The following LINGO2 variants were observed in gnomAD, a reference collection of about 807,000 sequenced individuals.
LINGO2 encodes the protein leucine rich repeat and Ig domain containing 2.
LINGO2 carries 14 observed loss-of-function variants against 30.6 expected under a neutral mutation model. The observed-to-expected ratio is 0.46, with a 90% confidence interval of 0.30 to 0.72. LINGO2 has a LOEUF of 0.72. Among genes scored for constraint, LINGO2 ranks in the 30% least tolerant of loss-of-function variants. The pLI, the probability that LINGO2 is intolerant of heterozygous loss-of-function variation, is 0.07. For synonymous variants in LINGO2, 317 were observed against 288.5 expected (o/e 1.10, Z -1.00); for missense variants, 729 against 751.7 (o/e 0.97, Z 0.35).
At chr9:28,621,503 C>G (rs1826393059) in intron 1 of LINGO2, among the ~76,000 whole-genome samples, 1 of 151,448 alleles carries the variant, frequency 6.6e-6, no homozygotes, top group Non-Finnish European at 1.5e-5. Context: ...GATTTGCTTC[C>G]TGTCACCACA....
intron 4 of LINGO2, among the ~76,000 whole-genome samples, chr9:28,168,115 C>T (rs533593940): frequency 6.6e-6 from 1 of 152,170 alleles, no homozygotes; most frequent in Non-Finnish European, 1.5e-5. Context: ...TTCTTGTTAC[C>T]TGGATGAGAA....
intron 4 of LINGO2, among the ~76,000 whole-genome samples, chr9:28,090,409 A>G (rs1587833228): frequency 6.6e-6 from 1 of 152,366 alleles, no homozygotes; most frequent in East Asian, 1.9e-4. Flanking sequence ...CTGGTTCAAC[A>G]TACGCAAACC....
intron 2 of LINGO2, among the ~76,000 whole-genome samples, chr9:28,402,407 G>A (rs1212692450): frequency 6.6e-6 from 1 of 152,012 alleles, no homozygotes; most frequent in Non-Finnish European, 1.5e-5. Flanking sequence ...ATTGAAAAAA[G>A]TGAGATTAGA....
chr9:28,297,569 C>T (rs939768779), intron 3 of LINGO2, among the ~76,000 whole-genome samples: 2 of 152,144 alleles, frequency 1.3e-5, no homozygotes, highest in African/African-American at 4.8e-5. Context: ...ACCTTATGAA[C>T]AATCTGCTAT....
At chr9:28,645,846 A>C (rs889472576) in intron 1 of LINGO2, among the ~76,000 whole-genome samples, 3 of 152,086 alleles carry the variant, frequency 2.0e-5, no homozygotes, top group Non-Finnish European at 4.4e-5. Context: ...GAAGTGCCTT[A>C]TTAGGCAACT....
At chr9:28,158,660 T>C (rs1828202703) in intron 4 of LINGO2, among the ~76,000 whole-genome samples, 1 of 152,016 alleles carries the variant, frequency 6.6e-6, no homozygotes, top group African/African-American at 2.4e-5. Flanking sequence ...ATCCCTAGGG[T>C]AACAATGAAG....
chr9:28,430,107 CGCGTGTGTGT>C (rs1482827282), intron 2 of LINGO2, among the ~76,000 whole-genome samples: 3 of 18,222 alleles, frequency 1.6e-4, no homozygotes, highest in Admixed American at 6.9e-4. Context: ...CGCGCGCGCG[CGCGTGTGTGT>C]GTGTGTGTGT....
chr9:29,105,049 T>C, the LINGO2 span, among the ~76,000 whole-genome samples: 8 of 152,278 alleles, frequency 5.3e-5, no homozygotes, highest in African/African-American at 1.9e-4. Flanking sequence ...AACCAGATCT[T>C]TTGTACCCTA....
At chr9:28,380,380 G>T (rs1404719288) in intron 2 of LINGO2, among the ~76,000 whole-genome samples, 1 of 100,540 alleles carries the variant, frequency 9.9e-6, no homozygotes, top group Admixed American at 1.3e-4. Context: ...TTGACTCAAT[G>T]ACTATAAAGG....
chr9:29,203,630 G>T, the LINGO2 span, among the ~76,000 whole-genome samples: 3 of 152,164 alleles, frequency 2.0e-5, no homozygotes, highest in Admixed American at 2.0e-4. Context: ...AAGATGTTGA[G>T]ATCACAGGAA....
the LINGO2 span, among the ~76,000 whole-genome samples, chr9:29,070,185 T>C: frequency 1.3e-5 from 2 of 152,048 alleles, no homozygotes; most frequent in Non-Finnish European, 2.9e-5. Context: ...AACCTGATGC[T>C]TAAAAAAATT....
At chr9:28,787,098 T>G in the LINGO2 span, among the ~76,000 whole-genome samples, 101 of 152,234 alleles carry the variant, frequency 6.6e-4, 1 homozygote, top group African/African-American at 2.2e-3. Context: ...GTGATGTTGC[T>G]TAGAATAGTT....
intron 3 of LINGO2, among the ~76,000 whole-genome samples, chr9:28,362,540 A>C (rs967652754): frequency 4.6e-5 from 7 of 150,980 alleles, no homozygotes; most frequent in Non-Finnish European, 1.0e-4. Context: ...GCGTGATCTC[A>C]GCTCACCGCA....
the LINGO2 span, among the ~76,000 whole-genome samples, chr9:29,073,203 C>T: frequency 6.6e-6 from 1 of 152,056 alleles, no homozygotes; most frequent in African/African-American, 2.4e-5. Flanking sequence ...TATCTCCATG[C>T]TCTTTTCCTT....
At chr9:28,696,520 T>A in the LINGO2 span, among the ~76,000 whole-genome samples, 2 of 151,906 alleles carry the variant, frequency 1.3e-5, no homozygotes, top group African/African-American at 4.8e-5. Context: ...AATGAATGAA[T>A]GAATTCATTT....
the LINGO2 span, among the ~76,000 whole-genome samples, chr9:29,091,075 T>C: frequency 6.6e-6 from 1 of 152,202 alleles, no homozygotes; most frequent in East Asian, 1.9e-4. Flanking sequence ...GATTTTCATC[T>C]TTTCTATTTG....
At chr9:28,217,572 C>A (rs942549908) in intron 4 of LINGO2, among the ~76,000 whole-genome samples, 5 of 151,928 alleles carry the variant, frequency 3.3e-5, no homozygotes, top group African/African-American at 1.2e-4. Flanking sequence ...TCTTGGAAGT[C>A]TTATTTTTTT....
chr9:28,320,796 A>T (rs759127119), intron 3 of LINGO2, among the ~76,000 whole-genome samples: 11 of 152,092 alleles, frequency 7.2e-5, no homozygotes, highest in Non-Finnish European at 1.6e-4. Flanking sequence ...TTACTTGCCA[A>T]CTCCCTCAGA....
chr9:28,548,488 G>T (rs553060967), intron 1 of LINGO2, among the ~76,000 whole-genome samples: 1 of 151,850 alleles, frequency 6.6e-6, no homozygotes, highest in African/African-American at 2.4e-5. Flanking sequence ...GGTGGTTCAC[G>T]AGGGCAAGAG....
Sources: allele counts gnomAD v4.1 joint callset (sites outside exome capture counted in the v4.1 genomes callset), GRCh38; gene constraint gnomAD v4.1.1; transcripts MANE v1.5; gene names NCBI Gene and HGNC (gene_info 2026-07-23, HGNC 2026-07-21).